Variants in ATRNL1 observed in about 807,000 individuals in gnomAD.
ATRNL1 encodes attractin like 1, also known as attractin-like protein 1.
ATRNL1 carries 95 observed loss-of-function variants against 182.7 expected under a neutral mutation model. The ratio of observed to expected loss-of-function variants is 0.52; its 90% CI spans 0.44 to 0.62. ATRNL1 has a LOEUF of 0.62. Ranked by LOEUF, ATRNL1 falls within the 20% of genes least tolerant of loss-of-function variation. The probability of loss-of-function intolerance (pLI) is 0.00; values close to 1 mark genes in which losing one functional copy is unlikely to be tolerated. For missense variants in ATRNL1, 1,471 were observed against 1,679.5 expected (o/e 0.88, Z 2.17); for synonymous variants, 576 against 568.3 (o/e 1.01, Z -0.19).
At chr10:115,789,056 C>CT (rs1478869164) in intron 27 of ATRNL1, among the ~76,000 whole-genome samples, 11 of 152,188 alleles carry the variant, frequency 7.2e-5, no homozygotes, top group Non-Finnish European at 8.8e-5. Flanking sequence ...TGTTTAGTTG[C>CT]TTTTCAACTG....
chr10:115,269,489 C>T (rs1240394683), intron 13 of ATRNL1, among the ~76,000 whole-genome samples: 1 of 152,006 alleles, frequency 6.6e-6, no homozygotes, highest in African/African-American at 2.4e-5. Flanking sequence ...CAGGCACCAC[C>T]ATGCCTAGCT....
At chr10:115,266,522 A>G (rs1851615556) in intron 11 of ATRNL1, among the ~76,000 whole-genome samples, 1 of 151,618 alleles carries the variant, frequency 6.6e-6, no homozygotes, top group Admixed American at 6.6e-5. Context: ...TAACAATAAA[A>G]CATGTTTTGA....
At chr10:115,658,879 G>A (rs1446600797) in intron 26 of ATRNL1, among the ~76,000 whole-genome samples, 3 of 152,076 alleles carry the variant, frequency 2.0e-5, no homozygotes, top group Non-Finnish European at 4.4e-5. Flanking sequence ...TGGCGGCCTC[G>A]GGAAACTTAC....
At chr10:115,124,953 T>C (rs782641697) in intron 3 of ATRNL1, among the ~76,000 whole-genome samples, 3 of 152,176 alleles carry the variant, frequency 2.0e-5, no homozygotes, top group African/African-American at 7.2e-5. Context: ...AATTTCAAAA[T>C]AAATAACTAA....
At chr10:115,927,165 C>T (rs1741050854) in intron 28 of ATRNL1, among the ~76,000 whole-genome samples, 1 of 152,026 alleles carries the variant, frequency 6.6e-6, no homozygotes, top group African/African-American at 2.4e-5. Flanking sequence ...AGACAAAAAC[C>T]ACATGATTAT....
intron 9 of ATRNL1, among the ~76,000 whole-genome samples, chr10:115,224,737 T>G (rs1554898283): frequency 1.3e-5 from 2 of 152,114 alleles, no homozygotes; most frequent in African/African-American, 4.8e-5. Context: ...GTAGATGAAT[T>G]ATGACAAATT....
At chr10:115,525,024 C>T (rs549887061) in intron 25 of ATRNL1, among the ~76,000 whole-genome samples, 1 of 152,198 alleles carries the variant, frequency 6.6e-6, no homozygotes, top group East Asian at 1.9e-4. Flanking sequence ...TCATTTTACC[C>T]ACTTTTCAAA....
intron 1 of ATRNL1, among the ~76,000 whole-genome samples, chr10:115,119,796 C>T (rs78951825): frequency 0.014 from 2,161 of 152,112 alleles, 41 homozygotes; most frequent in African/African-American, 0.047. Flanking sequence ...GTGGAACATA[C>T]GTATACTTTT....
chr10:115,923,050 A>G lies in ATRNL1; in HGVS notation c.4019-21608A>G, dbSNP rs549065463. ...TGTATGCATCTCAAAAAGATTTTTA[A>G]TTTTTAAAAGATTATTCTGTAGTCT... On this transcript the variant is annotated intron_variant, in intron 28 of 28. Transcript: ENST00000355044. 4.6e-5 allele frequency among the ~76,000 whole-genome samples: 7 copies of G among 152,254 alleles called. No homozygotes were observed. The East Asian group carries it at 1.4e-3, about 29-fold the overall frequency.
chr10:115,586,583 G>A lies in ATRNL1; in HGVS notation c.3795+37047G>A, dbSNP rs1216901350. On this transcript the variant is annotated intron_variant, in intron 26 of 28. Coordinates refer to ENST00000355044, the MANE Select transcript of ATRNL1 (RefSeq NM_207303.4). ...CTTCTGCATTCTTCACGTAGTTCTC[G>A]AGCCTTGGTTTTCAGCTCCATCAGC... Among the ~76,000 whole-genome samples the A allele has an allele frequency of 1.5e-4, 16 of 104,692 alleles. 2 individuals carry two copies. Among genetic ancestry groups the A allele is most frequent in the African/African-American group, 4.5e-4 (16 of 35,598 alleles). The allele number at this position is 104,692 out of a possible 152,430, so 68.7% of individuals were successfully genotyped here. A position where few individuals can be genotyped will look rare whatever the true frequency, so the allele number is the denominator to read the frequency against.
intron 1 of ATRNL1, among the ~76,000 whole-genome samples, chr10:115,099,216 T>A (rs915708502): frequency 1.6e-4 from 24 of 152,242 alleles, no homozygotes; most frequent in Non-Finnish European, 2.8e-4. Flanking sequence ...GTCTGGCTTC[T>A]TTCACACAGC....
At chr10:115,938,665 T>C (rs1243931143) in intron 28 of ATRNL1, among the ~76,000 whole-genome samples, 1 of 152,212 alleles carries the variant, frequency 6.6e-6, no homozygotes, top group African/African-American at 2.4e-5. Context: ...TGGAATATTA[T>C]ACAGCCTTAA....
intron 27 of ATRNL1, among the ~76,000 whole-genome samples, chr10:115,742,323 A>G (rs1555067882): frequency 6.6e-6 from 1 of 152,150 alleles, no homozygotes. Flanking sequence ...TCAAGAAGTC[A>G]AGTAGAAGTA....
At chr10:115,353,057 G>A (rs1271224496) in intron 19 of ATRNL1, among the ~76,000 whole-genome samples, 6 of 152,180 alleles carry the variant, frequency 3.9e-5, no homozygotes, top group African/African-American at 1.4e-4. Flanking sequence ...TGAATGAAAT[G>A]TTCTCTTATT....
intron 27 of ATRNL1, 22 bp downstream of exon 27, chr10:115,727,377 G>A: frequency 6.5e-7 from 1 of 1,548,652 alleles, no homozygotes; most frequent in Non-Finnish European, 8.9e-7. Context: ...GGTGCTGAAA[G>A]AGGACCACTG....
intron 26 of ATRNL1, among the ~76,000 whole-genome samples, chr10:115,661,101 C>T (rs1165853595): frequency 6.6e-6 from 1 of 152,004 alleles, no homozygotes; most frequent in Non-Finnish European, 1.5e-5. Context: ...TCCTCAGCAT[C>T]TAAGACATTA....
intron 27 of ATRNL1, among the ~76,000 whole-genome samples, chr10:115,829,877 C>T (rs1950521032): frequency 6.6e-6 from 1 of 152,204 alleles, no homozygotes; most frequent in African/African-American, 2.4e-5. Context: ...TTTAGCCCCA[C>T]TCTTTAGGGA....
chr10:115,604,540 A>G (rs886736973), intron 26 of ATRNL1, among the ~76,000 whole-genome samples: 5 of 151,976 alleles, frequency 3.3e-5, no homozygotes, highest in Non-Finnish European at 5.9e-5. Context: ...ATTCAAAGAG[A>G]TATTTAGAGC....
chr10:115,590,374 G>T (rs1855831783), intron 26 of ATRNL1, among the ~76,000 whole-genome samples: 1 of 152,002 alleles, frequency 6.6e-6, no homozygotes. Context: ...TTCTTTCTGT[G>T]TATTAACCTT....
Sources: gnomAD v4.1 joint callset for allele counts (sites outside exome capture counted in the v4.1 genomes callset) on GRCh38, gnomAD v4.1.1 for gene constraint, MANE v1.5 for transcripts, NCBI Gene and HGNC (gene_info 2026-07-23, HGNC 2026-07-21) for gene names.